THRB: variants seen among roughly 807,000 people sequenced by gnomAD.
The protein encoded by THRB is thyroid hormone receptor beta.
In THRB, 12 loss-of-function variants were observed where a neutral mutation model predicts 47.8. The observed-to-expected ratio is 0.25, with a 90% confidence interval of 0.16 to 0.41. THRB has a LOEUF of 0.41. Ranked by LOEUF, THRB falls within the 10% of genes least tolerant of loss-of-function variation. The probability of loss-of-function intolerance (pLI) is 1.00; values close to 1 mark genes in which losing one functional copy is unlikely to be tolerated. For missense variants in THRB, 348 were observed against 589.2 expected (o/e 0.59, Z 4.24); for synonymous variants, 218 against 212.2 (o/e 1.03, Z -0.24).
intron 3 of THRB, among the ~76,000 whole-genome samples, chr3:24,230,378 G>T (rs2048131979): frequency 6.6e-6 from 1 of 152,142 alleles, no homozygotes; most frequent in Non-Finnish European, 1.5e-5. Flanking sequence ...AATATATGTT[G>T]AACAACTAAA....
intron 3 of THRB, among the ~76,000 whole-genome samples, chr3:24,238,272 T>TGGGGG (rs2049085833): frequency 1.1e-4 from 1 of 8,952 alleles, no homozygotes. Context: ...TATGTGTGTG[T>TGGGGG]GTGTGTGGGG....
At chr3:24,490,394 A>C (rs927029196) in intron 1 of THRB, among the ~76,000 whole-genome samples, 4 of 152,234 alleles carry the variant, frequency 2.6e-5, no homozygotes, top group African/African-American at 9.6e-5. Flanking sequence ...TCCAAGTCCA[A>C]ATATGACACT....
chr3:24,460,604 G>A (rs948306487), intron 1 of THRB, among the ~76,000 whole-genome samples: 3 of 152,138 alleles, frequency 2.0e-5, no homozygotes, highest in Non-Finnish European at 1.5e-5. Flanking sequence ...AGTAATGATT[G>A]GCTATCTTGA....
chr3:24,159,388 G>A (rs541179191), intron 5 of THRB, among the ~76,000 whole-genome samples: 75 of 152,230 alleles, frequency 4.9e-4, no homozygotes, highest in African/African-American at 1.7e-3. Context: ...AGATAGATTT[G>A]ATATAAATAA....
rs183790768 is a variant in THRB, at chr3:24,176,537, G to A, written c.283+13537C>T. Among the ~76,000 whole-genome samples, 302 of 152,210 alleles carry A rather than the reference G, an allele frequency of 2.0e-3. 4 individuals carry two copies. Among genetic ancestry groups the A allele is most frequent in the Non-Finnish European group, 5.0e-4 (34 of 67,982 alleles). Reference sequence around the variant, plus strand: ...TTTAGACTATGCCACAGCTGATGTAGTTTCAAAAGATTTATTCTTTGTCAG... The same window carrying A: ...TTTAGACTATGCCACAGCTGATGTAATTTCAAAAGATTTATTCTTTGTCAG... On this transcript the variant is annotated intron_variant, in intron 5 of 10. Coordinates refer to ENST00000646209, the MANE Select transcript of THRB (RefSeq NM_001354712.2).
At chr3:24,462,163 TA>T (rs34213307) in intron 1 of THRB, among the ~76,000 whole-genome samples, 40,787 of 146,260 alleles carry the variant, frequency 0.28, 5,808 homozygotes, top group East Asian at 0.36. Context: ...ACATAATGGC[TA>T]AAAAAAAAAA....
intron 1 of THRB, among the ~76,000 whole-genome samples, chr3:24,483,521 T>A (rs1044692972): frequency 6.6e-6 from 1 of 150,720 alleles, no homozygotes; most frequent in African/African-American, 2.4e-5. Context: ...AACATGTTAA[T>A]AATGTGCTGA....
chr3:24,119,951 A>G lies in THRB; in HGVS notation c.*2933T>C, dbSNP rs2031369126. 6.6e-6 allele frequency: 1 copy of G among 152,124 alleles called. No individual in the cohort carries two copies. The highest frequency in any genetic ancestry group is 1.5e-5 in the Non-Finnish European group (1 of 68,040). The allele number at this position is 152,124 out of a possible 1,614,324, so 9.4% of individuals were successfully genotyped here. ...GATTTATAAATACAAATCCCAGCAT[A>G]ATGGGTGTGTTCTCCTCTACTGAGA... On this transcript the variant is annotated 3_prime_UTR_variant, in exon 11 of 11. Coordinates refer to ENST00000646209, the MANE Select transcript of THRB (RefSeq NM_001354712.2).
chr3:24,478,216 G>C (rs1184357829), intron 1 of THRB, among the ~76,000 whole-genome samples: 1 of 152,070 alleles, frequency 6.6e-6, no homozygotes, highest in Non-Finnish European at 1.5e-5. Context: ...CCAGATTTTG[G>C]AGTATGCATA....
chr3:24,472,075 T>G lies in THRB; in HGVS notation c.-261+22577A>C, dbSNP rs721215. On this transcript the variant is annotated intron_variant, in intron 1 of 10. Transcript: ENST00000646209. ...CATAGTCCTACAGAGTAGGACATTTTCCTTAAAAACATTTTTACAGAATTA... is the reference window on the plus strand; with the variant it reads ...CATAGTCCTACAGAGTAGGACATTTGCCTTAAAAACATTTTTACAGAATTA... Among the ~76,000 whole-genome samples, 1,298 of 152,328 alleles carry G rather than the reference T, an allele frequency of 8.5e-3. 17 individuals carry two copies. Among genetic ancestry groups the G allele is most frequent in the African/African-American group, 0.029 (1,226 of 41,566 alleles).
At chr3:24,263,085 C>T (rs868025497) in intron 3 of THRB, among the ~76,000 whole-genome samples, 9 of 152,272 alleles carry the variant, frequency 5.9e-5, no homozygotes, top group Middle Eastern at 3.4e-3. Flanking sequence ...TGGCTTTAAA[C>T]ATAATAGAAG....
chr3:24,350,720 G>T lies in THRB; in HGVS notation c.-260-13349C>A, dbSNP rs532025187. Among the ~76,000 whole-genome samples the T allele has an allele frequency of 1.3e-5, 2 of 152,244 alleles. 1 individual carries two copies. Among genetic ancestry groups the T allele is most frequent in the Non-Finnish European group, 2.9e-5 (2 of 67,996 alleles). The stretch of plus-strand genomic sequence containing the variant: ...CAGTATTGCATTTCATGATCTAAAT[G>T]GTGATCATATAGGTGGATTTGTTTT... On this transcript the variant is annotated intron_variant, in intron 1 of 10. Transcript: ENST00000646209.
intron 1 of THRB, among the ~76,000 whole-genome samples, chr3:24,357,077 T>A (rs2063720926): frequency 6.6e-6 from 1 of 151,388 alleles, no homozygotes; most frequent in East Asian, 1.9e-4. Context: ...ATGTAAAGGC[T>A]CTTATTTATG....
At chr3:24,349,653 T>C (rs1277813400) in intron 1 of THRB, among the ~76,000 whole-genome samples, 1 of 152,040 alleles carries the variant, frequency 6.6e-6, no homozygotes, top group Non-Finnish European at 1.5e-5. Context: ...TTGTAAAAAA[T>C]ATTTTTGTAC....
chr3:24,269,447 G>C (rs149537923), intron 3 of THRB, among the ~76,000 whole-genome samples: 1 of 141,936 alleles, frequency 7.0e-6, no homozygotes, highest in South Asian at 2.2e-4. Context: ...ACACACTTAA[G>C]TTATCTTCGC....
intron 2 of THRB, among the ~76,000 whole-genome samples, chr3:24,309,019 T>C (rs1454865280): frequency 6.6e-6 from 1 of 152,172 alleles, no homozygotes; most frequent in Non-Finnish European, 1.5e-5. Context: ...TGGAAAGCTC[T>C]TCCCTACCCT....
chr3:24,193,806 A>C (rs758627717), intron 4 of THRB, among the ~76,000 whole-genome samples: 7 of 151,452 alleles, frequency 4.6e-5, no homozygotes, highest in Non-Finnish European at 1.0e-4. Context: ...TTATATGAAA[A>C]AGACATTTGC....
intron 2 of THRB, among the ~76,000 whole-genome samples, chr3:24,315,875 C>T (rs932953645): frequency 6.6e-6 from 1 of 152,174 alleles, no homozygotes; most frequent in Non-Finnish European, 1.5e-5. Context: ...TTTTATGATC[C>T]TCATATGTTT....
At chr3:24,323,146 C>T (rs1576833128) in intron 2 of THRB, among the ~76,000 whole-genome samples, 1 of 151,972 alleles carries the variant, frequency 6.6e-6, no homozygotes, top group Non-Finnish European at 1.5e-5. Context: ...GATAATGTTA[C>T]CATCATGTTT....
Sources: gnomAD v4.1 joint callset for allele counts (sites outside exome capture counted in the v4.1 genomes callset) on GRCh38, gnomAD v4.1.1 for gene constraint, MANE v1.5 for transcripts, NCBI Gene and HGNC (gene_info 2026-07-23, HGNC 2026-07-21) for gene names.